NR3C1: variants seen among roughly 807,000 people sequenced by gnomAD.
The protein encoded by NR3C1 is glucocorticoid receptor.
In NR3C1, 14 loss-of-function variants were observed where a neutral mutation model predicts 74.0. The ratio of observed to expected loss-of-function variants is 0.19; its 90% CI spans 0.12 to 0.30. The LOEUF is 0.30. Ranked by LOEUF, NR3C1 falls within the 10% of genes least tolerant of loss-of-function variation. The pLI is 1.00. For missense variants in NR3C1, 695 were observed against 909.8 expected (o/e 0.76, Z 3.04); for synonymous variants, 308 against 332.5 (o/e 0.93, Z 0.80).
chr5:143,392,712 A>C (rs1446178700), intron 2 of NR3C1, among the ~76,000 whole-genome samples: 2 of 152,218 alleles, frequency 1.3e-5, no homozygotes, highest in African/African-American at 4.8e-5. Context: ...TAGTGCTGTC[A>C]CATAATTGGT....
chr5:143,291,005 G>A (rs188040953), intron 7 of NR3C1, among the ~76,000 whole-genome samples: 35 of 151,842 alleles, frequency 2.3e-4, no homozygotes, highest in Admixed American at 1.8e-3. Context: ...CTTTTGGATT[G>A]TTTTTCTTAG....
chr5:143,306,901 T>A, intron 4 of NR3C1, among the ~76,000 whole-genome samples: 1 of 43,476 alleles, frequency 2.3e-5, no homozygotes, highest in Non-Finnish European at 4.6e-5. Flanking sequence ...TTTTTTTTTT[T>A]TTTTTTTTTT....
At chr5:143,286,955 G>A (rs1261773200) in intron 7 of NR3C1, among the ~76,000 whole-genome samples, 1 of 151,658 alleles carries the variant, frequency 6.6e-6, no homozygotes, top group Non-Finnish European at 1.5e-5. Flanking sequence ...TGAATAGGAA[G>A]AGATATGGAA....
intron 2 of NR3C1, among the ~76,000 whole-genome samples, chr5:143,330,970 A>G (rs1317023546): frequency 2.6e-5 from 4 of 152,184 alleles, no homozygotes; most frequent in African/African-American, 9.6e-5. Context: ...AAATTCATAT[A>G]GAATCAAAAA....
intron 2 of NR3C1, among the ~76,000 whole-genome samples, chr5:143,378,612 G>A (rs1464265578): frequency 6.6e-6 from 1 of 152,170 alleles, no homozygotes; most frequent in African/African-American, 2.4e-5. Flanking sequence ...ATCTCTGACT[G>A]TCTGAATTCT....
chr5:143,322,858 T>C (rs1485395634), intron 2 of NR3C1, among the ~76,000 whole-genome samples: 3 of 152,202 alleles, frequency 2.0e-5, no homozygotes, highest in Admixed American at 2.0e-4. Flanking sequence ...CATGCCAGTA[T>C]ACTAGACAAG....
At position 143,325,610 on chromosome 5, in the gene NR3C1, T is replaced by G. The variant is rs547117108; in HGVS notation, c.1185-11442A>C. 3.3e-5 allele frequency among the ~76,000 whole-genome samples: 5 copies of G among 152,342 alleles called. No homozygotes were observed. In the South Asian group the frequency reaches 1.0e-3, roughly 32 times the overall value. On this transcript the variant is annotated intron_variant, in intron 2 of 8. Coordinates refer to ENST00000394464, the MANE Select transcript of NR3C1 (RefSeq NM_000176.3). Reference sequence around the variant, plus strand: ...AGTGATGCTGGAATATTGTTACAATTGTTTTATTTTATTATTAGTTACTAT... The same window carrying G: ...AGTGATGCTGGAATATTGTTACAATGGTTTTATTTTATTATTAGTTACTAT...
chr5:143,317,622 G>C (rs1822435385), intron 2 of NR3C1, among the ~76,000 whole-genome samples: 2 of 152,138 alleles, frequency 1.3e-5, no homozygotes, highest in South Asian at 4.1e-4. Flanking sequence ...AGAGTTCAGA[G>C]AGAGAAAACC....
intron 1 of NR3C1, among the ~76,000 whole-genome samples, chr5:143,423,964 A>T (rs953841521): frequency 5.0e-5 from 7 of 141,266 alleles, no homozygotes; most frequent in African/African-American, 1.8e-4. Flanking sequence ...GGGGATAAAG[A>T]GGGGGTGTTT....
chr5:143,286,261 A>G (rs940647221), intron 7 of NR3C1, among the ~76,000 whole-genome samples: 1 of 152,180 alleles, frequency 6.6e-6, no homozygotes, highest in Non-Finnish European at 1.5e-5. Context: ...TTCACTGCTG[A>G]GTTTTACCAA....
Position 143,281,891 on chromosome 5 carries a change from A to C in NR3C1, c.2332T>G (p.Ter778GlyextTer3). Reference sequence around the variant, plus strand: ...GGCAACCATTCTTATTAAGGCAGTCACTTTTGATGAAACAGAAGTTTTTTG... The same window carrying C: ...GGCAACCATTCTTATTAAGGCAGTCCCTTTTGATGAAACAGAAGTTTTTTG... ...NIKKLLFHQK[*>G] The change falls in exon 9 of 9, where the codon TGA (stop) becomes GGA (glycine). Residue 778 changes from the stop codon to glycine, a stop_lost. Coordinates refer to ENST00000394464, the MANE Select transcript of NR3C1 (RefSeq NM_000176.3). 6.2e-7 allele frequency: 1 copy of C among 1,613,202 alleles called. No homozygotes were observed. Among genetic ancestry groups the C allele is most frequent in the Non-Finnish European group, 8.5e-7 (1 of 1,179,398 alleles).
intron 2 of NR3C1, among the ~76,000 whole-genome samples, chr5:143,354,610 AG>A (rs1448627864): frequency 2.0e-5 from 3 of 152,148 alleles, no homozygotes; most frequent in South Asian, 2.1e-4. Flanking sequence ...TGCCTTATAC[AG>A]GTGAGGTTTA....
chr5:143,318,975 T>A (rs1207389503), intron 2 of NR3C1, among the ~76,000 whole-genome samples: 1 of 152,208 alleles, frequency 6.6e-6, no homozygotes, highest in African/African-American at 2.4e-5. Flanking sequence ...TTACTCATCT[T>A]TGCTTTTGTA....
intron 2 of NR3C1, among the ~76,000 whole-genome samples, chr5:143,347,909 C>A (rs984060294): frequency 6.6e-6 from 1 of 152,154 alleles, no homozygotes; most frequent in Non-Finnish European, 1.5e-5. Context: ...CCAAAACGGG[C>A]TCTCATTTTT....
rs114032235 is a variant in NR3C1 at position 143,401,207 on chromosome 5, G to A, written c.-13-355C>T. The A allele has an allele frequency of 6.3e-4, 161 of 256,182 alleles. 1 individual carries two copies. Among genetic ancestry groups the A allele is most frequent in the African/African-American group, 3.3e-3 (150 of 44,974 alleles). The allele number at this position is 256,182 out of a possible 1,614,324, so 15.9% of individuals were successfully genotyped here. A position where few individuals can be genotyped will look rare whatever the true frequency, so the allele number is the denominator to read the frequency against. On this transcript the variant is annotated intron_variant, in intron 1 of 8. Transcript: ENST00000394464. ...GATTATTCTGAAGGTTCAAGTTGAT[G>A]TCAAAGTATTTAATTTCAAAAAAAG...
intron 1 of NR3C1, among the ~76,000 whole-genome samples, chr5:143,417,027 T>C (rs1020649979): frequency 1.3e-5 from 2 of 152,174 alleles, no homozygotes; most frequent in Non-Finnish European, 2.9e-5. Context: ...CTGGTAATCC[T>C]CTAAGAAATG....
intron 4 of NR3C1, among the ~76,000 whole-genome samples, chr5:143,304,057 A>G (rs1819069869): frequency 6.6e-6 from 1 of 152,110 alleles, no homozygotes; most frequent in African/African-American, 2.4e-5. Context: ...AGTACTGGAA[A>G]TCCTAGTCAG....
chr5:143,322,247 T>C (rs1823544543), intron 2 of NR3C1, among the ~76,000 whole-genome samples: 1 of 152,236 alleles, frequency 6.6e-6, no homozygotes, highest in Non-Finnish European at 1.5e-5. Context: ...TCTAAGTAAC[T>C]AGTAAAGTCA....
At chr5:143,316,564 A>G (rs1178445742) in intron 2 of NR3C1, among the ~76,000 whole-genome samples, 3 of 152,180 alleles carry the variant, frequency 2.0e-5, no homozygotes, top group African/African-American at 7.2e-5. Context: ...GTGGTTCATC[A>G]GGGAGCCTAT....
Sources: allele counts gnomAD v4.1 joint callset (sites outside exome capture counted in the v4.1 genomes callset), GRCh38; gene constraint gnomAD v4.1.1; transcripts MANE v1.5; gene names NCBI Gene and HGNC (gene_info 2026-07-23, HGNC 2026-07-21).